Variants in ABHD14B observed in about 807,000 individuals in gnomAD.
ABHD14B encodes the protein putative protein-lysine deacylase ABHD14B.
Under a neutral mutation model 15.4 loss-of-function variants are expected in ABHD14B, and 19 were observed. The observed-to-expected ratio is 1.23, with a 90% CI of 0.86 to 1.81. The LOEUF is 1.81. Among genes scored for constraint, ABHD14B ranks in the 40% most tolerant of loss-of-function variants. The probability of loss-of-function intolerance (pLI) is 0.00; values close to 1 mark genes in which losing one functional copy is unlikely to be tolerated. For missense variants in ABHD14B, 243 were observed against 267.0 expected, an observed-to-expected ratio of 0.91 and a Z score of 0.63; for synonymous variants, 92 against 117.3, an observed-to-expected ratio of 0.78 and a Z score of 1.39.
At chr3:51,973,431 C>G (rs1023282198) in intron 1 of ABHD14B, among the ~76,000 whole-genome samples, 13 of 151,846 alleles carry the variant, frequency 8.6e-5, no homozygotes, top group Non-Finnish European at 1.8e-4. Flanking sequence ...AGTGATCCAC[C>G]CACCTTGGCC....
chr3:51,972,186 G>A (rs1307611634), intron 1 of ABHD14B, among the ~76,000 whole-genome samples: 18 of 147,056 alleles, frequency 1.2e-4, no homozygotes, highest in South Asian at 2.2e-4. Context: ...GCAGTGAGCC[G>A]AGATCGTGCC....
intron 2 of ABHD14B, 101 bp from the exon 3 acceptor site, chr3:51,970,285 CT>C: frequency 6.8e-7 from 1 of 1,476,718 alleles, no homozygotes; most frequent in Non-Finnish European, 9.0e-7. Context: ...GTCAGTTTCT[CT>C]GTGGCCAGGT....
At chr3:51,974,188 C>A, upstream of ABHD14B, 1 of 573,788 alleles carries the variant, frequency 1.7e-6, no homozygotes. Flanking sequence ...CTCGGTCTCA[C>A]ATGCCCCAAA....
upstream of ABHD14B, chr3:51,974,063 C>T (rs1456817157): frequency 1.6e-6 from 2 of 1,286,384 alleles, no homozygotes; most frequent in South Asian, 1.2e-5. Flanking sequence ...GGGCCCCATC[C>T]AGCGGGGGCG....
At position 51,969,329 on chromosome 3, in the gene ABHD14B, T is replaced by G; in HGVS notation, c.*97A>C. 2.2e-6 allele frequency: 3 copies of G among 1,342,394 alleles called. No homozygotes were observed. The South Asian group carries it at 4.3e-5, about 19-fold the overall frequency. The allele number at this position is 1,342,394 out of a possible 1,614,324, so 83.2% of individuals were successfully genotyped here. On this transcript the variant is annotated 3_prime_UTR_variant, in exon 4 of 4. Coordinates refer to ENST00000361143, the MANE Select transcript of ABHD14B (RefSeq NM_001146314.2). ...CAGACATATAGACAGACGCACCTGT[T>G]GCATGTGCATGAGCCAGAGCCTGGG...
chr3:51,972,457 C>T (rs1700675961), intron 1 of ABHD14B, among the ~76,000 whole-genome samples: 1 of 151,884 alleles, frequency 6.6e-6, no homozygotes, highest in Non-Finnish European at 1.5e-5. Context: ...CCTGTAATCC[C>T]AACTACTTGG....
At position 51,969,219 on chromosome 3, in the gene ABHD14B, T is replaced by G; in HGVS notation, c.*207A>C. 2.0e-6 allele frequency: 1 copy of G among 505,686 alleles called. No homozygotes were observed. The highest frequency in any genetic ancestry group is 3.3e-5 in the East Asian group (1 of 29,946). 31.3% of individuals were successfully genotyped at this position (505,686 alleles called of 1,614,324 possible). On this transcript the variant is annotated 3_prime_UTR_variant, in exon 4 of 4. Coordinates refer to ENST00000361143, the MANE Select transcript of ABHD14B (RefSeq NM_001146314.2). ...GATTATGTTCCTTGATTCCTGAGAG[T>G]TTTTTCTCTTGATTTTACCCCCTCA...
chr3:51,970,656 G>A, intron 2 of ABHD14B: 1 of 458,100 alleles, frequency 2.2e-6, no homozygotes, highest in South Asian at 1.5e-5. Context: ...CAGCTGAGGG[G>A]TCGGTTCTGC....
intron 2 of ABHD14B, chr3:51,970,607 T>A: frequency 2.2e-6 from 1 of 462,162 alleles, no homozygotes. Context: ...GAAAGGCACC[T>A]GGCCCTGGAT....
At chr3:51,973,708 G>A in intron 1 of ABHD14B, 4 of 557,414 alleles carry the variant, frequency 7.2e-6, no homozygotes, top group South Asian at 6.7e-5. Context: ...AAACCGAAGC[G>A]CCCAGTGGGA....
chr3:51,973,452 C>T (rs1483676144), intron 1 of ABHD14B, among the ~76,000 whole-genome samples: 2 of 151,492 alleles, frequency 1.3e-5, no homozygotes, highest in Non-Finnish European at 1.5e-5. Context: ...TCCCAAAGTG[C>T]TGGGATTACA....
upstream of ABHD14B, chr3:51,974,458 C>T (rs77526203): frequency 1.3e-3 from 321 of 239,892 alleles, no homozygotes; most frequent in African/African-American, 6.5e-3. Flanking sequence ...GAGCCTGTTT[C>T]CTGCCAGTAG....
At chr3:51,972,983 T>G (rs960349340) in intron 1 of ABHD14B, among the ~76,000 whole-genome samples, 2 of 152,126 alleles carry the variant, frequency 1.3e-5, no homozygotes, top group African/African-American at 4.8e-5. Context: ...GTTCAAGCGA[T>G]TCTCCTGCCT....
In ABHD14B at chr3:51,973,750, A is replaced by G. The variant is rs546398163; in HGVS notation, c.-29+215T>C. On this transcript the variant is annotated intron_variant, in intron 1 of 3. Transcript: ENST00000361143. Reference sequence around the variant, plus strand: ...ACCCGCCGGGGATGCGGGGTGCTCAACGCGCTGCCACCTGGGGCCCAACGC... The same window carrying G: ...ACCCGCCGGGGATGCGGGGTGCTCAGCGCGCTGCCACCTGGGGCCCAACGC... 775 of 1,049,162 alleles carry G rather than the reference A, an allele frequency of 7.4e-4. 4 individuals carry two copies. The African/African-American group carries it at 0.011, about 15-fold the overall frequency. 65.0% of individuals were successfully genotyped at this position (1,049,162 alleles called of 1,614,324 possible).
chr3:51,974,376 G>A, upstream of ABHD14B: 1 of 276,034 alleles, frequency 3.6e-6, no homozygotes, highest in Non-Finnish European at 7.2e-6. Flanking sequence ...CGGAGTTGAG[G>A]CCCGACAGGT....
At chr3:51,972,680 C>T (rs894552715) in intron 1 of ABHD14B, among the ~76,000 whole-genome samples, 2 of 152,130 alleles carry the variant, frequency 1.3e-5, no homozygotes, top group Non-Finnish European at 2.9e-5. Context: ...TCGTTATTAT[C>T]CTTTTCTATA....
intron 3 of ABHD14B, 31 bp from the exon 4 acceptor site, chr3:51,969,636 G>A: frequency 6.3e-7 from 1 of 1,592,442 alleles, no homozygotes; most frequent in Non-Finnish European, 8.6e-7. Flanking sequence ...GTGGGGCAGA[G>A]TCAACAGGGA....
At chr3:51,974,195 C>T (rs944679312), upstream of ABHD14B, 2 of 515,242 alleles carry the variant, frequency 3.9e-6, no homozygotes, top group Admixed American at 6.9e-5. Flanking sequence ...TCACATGCCC[C>T]AAACGCGGTG....
Position 51,970,041 on chromosome 3 carries a change from G to T in ABHD14B, c.355C>A (p.Pro119Thr), listed in dbSNP as rs760136798. The T allele has an allele frequency of 1.9e-6, 3 of 1,613,968 alleles. No homozygotes were observed. In the African/African-American group the frequency reaches 4.0e-5, roughly 22 times the overall value. ...SPSLSGMYSLPFLTAPGSQLP... is the reference protein window; with the variant it reads ...SPSLSGMYSLTFLTAPGSQLP... ...TGGGAGCCAGGGGCCGTGAGGAAGG[G>T]CAGGGAGTACATGCCACTCAGTGAT... The change falls in exon 3 of 4, where the codon CCC becomes ACC. Residue 119 changes from proline to threonine, a missense_variant. Pro to Thr is a conservative substitution (Grantham distance 38). Transcript: ENST00000361143.
Sources: allele counts gnomAD v4.1 joint callset (sites outside exome capture counted in the v4.1 genomes callset), GRCh38; gene constraint gnomAD v4.1.1; transcripts MANE v1.5; gene names NCBI Gene and HGNC (gene_info 2026-07-23, HGNC 2026-07-21).